Variants in CLMN observed in about 807,000 individuals in gnomAD.
The protein encoded by CLMN is calmin (calponin-like, transmembrane).
A neutral mutation model predicts 92.7 loss-of-function variants in CLMN; 57 were observed. The observed-to-expected ratio is 0.61, with a 90% CI of 0.50 to 0.77. The LOEUF (loss-of-function observed/expected upper bound fraction) is 0.77, where lower values mean the gene tolerates loss of function less well. Ranked by LOEUF, CLMN falls within the 30% of genes least tolerant of loss-of-function variation. The pLI, the probability that CLMN is intolerant of heterozygous loss-of-function variation, is 0.00. For synonymous variants in CLMN, 466 were observed against 470.6 expected (o/e 0.99, Z 0.13); for missense variants, 1,158 against 1,237.5 (o/e 0.94, Z 0.96).
At chr14:95,262,313 A>G (rs946999788) in intron 1 of CLMN, among the ~76,000 whole-genome samples, 20 of 152,350 alleles carry the variant, frequency 1.3e-4, no homozygotes, top group African/African-American at 4.6e-4. Context: ...GTTCAACAGA[A>G]GAACAACAAA....
intron 2 of CLMN, among the ~76,000 whole-genome samples, chr14:95,228,720 G>A (rs1327436166): frequency 1.3e-5 from 2 of 152,198 alleles, no homozygotes; most frequent in Non-Finnish European, 2.9e-5. Flanking sequence ...TGCCGCCCAG[G>A]CTGGAGTGCA....
chr14:95,273,877 A>G (rs1273557917), intron 1 of CLMN, among the ~76,000 whole-genome samples: 1 of 152,082 alleles, frequency 6.6e-6, no homozygotes, highest in Non-Finnish European at 1.5e-5. Context: ...CCGATCGTAC[A>G]TGAACCTCAT....
At chr14:95,218,903 C>T (rs756144804) in intron 4 of CLMN, among the ~76,000 whole-genome samples, 1 of 152,254 alleles carries the variant, frequency 6.6e-6, no homozygotes, top group Non-Finnish European at 1.5e-5. Context: ...GAAGGCCAGG[C>T]CTTCCCAAGC....
chr14:95,188,399 A>C lies in CLMN; in HGVS notation c.*3165T>G, dbSNP rs1896488071. 6.6e-6 allele frequency: 1 copy of C among 152,238 alleles called. No individual in the cohort carries two copies. Among genetic ancestry groups the C allele is most frequent in the African/African-American group, 2.4e-5 (1 of 41,458 alleles). 9.4% of individuals were successfully genotyped at this position (152,238 alleles called of 1,614,324 possible). On this transcript the variant is annotated 3_prime_UTR_variant, in exon 13 of 13. Transcript: ENST00000298912. ...GAGCAGGACACTGTAAAACAAAGAC[A>C]GGATAATAACCAAAGGTTTTATTAA... is the stretch of plus-strand genomic sequence containing the variant.
chr14:95,204,206 G>T lies in CLMN; in HGVS notation c.1143C>A (p.His381Gln). The change falls in exon 9 of 13, where the codon CAC becomes CAA. Residue 381 changes from histidine to glutamine, a missense_variant. Coordinates refer to ENST00000298912, the MANE Select transcript of CLMN (RefSeq NM_024734.4). The part of the protein sequence containing the change: ...ALSDSSTEFM[H>Q]QIIDQVLQGG... ...CTTGCAGGACCTGGTCAATAATCTG[G>T]TGCATGAACTCGGTGGAGCTGTCTG... 1 of 1,614,132 alleles carries T rather than the reference G, an allele frequency of 6.2e-7. No homozygotes were observed.
intron 4 of CLMN, among the ~76,000 whole-genome samples, chr14:95,220,170 T>TTTTTA (rs1897486090): frequency 2.0e-5 from 1 of 51,208 alleles, no homozygotes; most frequent in Non-Finnish European, 4.2e-5. Context: ...GATAGGTCCC[T>TTTTTA]TTTTTTTTTT....
rs192498903 is a variant in CLMN at position 95,203,735 on chromosome 14, G to A, written c.1614C>T (p.Phe538=). 33 of 1,614,166 alleles carry A rather than the reference G, an allele frequency of 2.0e-5. No homozygotes were observed. In the East Asian group the frequency reaches 2.7e-4, roughly 13 times the overall value. Residue 538 remains phenylalanine (F), a synonymous_variant, in exon 9 of 13, where the codon TTC becomes TTT. Transcript: ENST00000298912. The part of the protein sequence containing the change: ...PGENTVMADS[F]QIKVNLMTVE... ...CAGTCATCAGGTTAACCTTGATCTGGAAGGAATCGGCCATCACAGTATTTT... is the reference window on the plus strand; with the variant it reads ...CAGTCATCAGGTTAACCTTGATCTGAAAGGAATCGGCCATCACAGTATTTT...
chr14:95,196,740 G>A, intron 9 of CLMN, 46 bp from the exon 10 acceptor site: 1 of 1,573,594 alleles, frequency 6.4e-7, no homozygotes, highest in South Asian at 1.2e-5. Context: ...TCACGCTGCA[G>A]TGTAAAGTAG....
intron 1 of CLMN, among the ~76,000 whole-genome samples, chr14:95,249,685 G>A (rs755224701): frequency 3.3e-5 from 5 of 151,984 alleles, no homozygotes; most frequent in South Asian, 2.1e-4. Context: ...TCCGCCTTCC[G>A]GATTCAAGCA....
chr14:95,266,434 A>T (rs1209165705), intron 1 of CLMN, among the ~76,000 whole-genome samples: 1 of 152,208 alleles, frequency 6.6e-6, no homozygotes, highest in Non-Finnish European at 1.5e-5. Context: ...GAAATCAAGA[A>T]AGCAATCCCA....
chr14:95,303,188 G>A (rs1366724220), intron 1 of CLMN, among the ~76,000 whole-genome samples: 4 of 152,246 alleles, frequency 2.6e-5, no homozygotes, highest in Admixed American at 6.5e-5. Flanking sequence ...CAGGGAGCCT[G>A]TGGCTTTGGG....
rs1898032624 is a variant in CLMN at position 95,235,785 on chromosome 14, T to C, written c.83-5652A>G. ...AGACAGGTCCACCGGGGCCAGTGTT[T>C]CCAGCTTCCGAGACGCTGCTTGGGA... On this transcript the variant is annotated intron_variant, in intron 1 of 12. Transcript: ENST00000298912. Among the ~76,000 whole-genome samples, 2 of 152,174 alleles carry C rather than the reference T, an allele frequency of 1.3e-5. 1 individual carries two copies. The highest frequency in any genetic ancestry group is 4.1e-4 in the South Asian group (2 of 4,828).
intron 1 of CLMN, among the ~76,000 whole-genome samples, chr14:95,250,382 C>G (rs115836899): frequency 0.013 from 2,056 of 152,314 alleles, 51 homozygotes; most frequent in African/African-American, 0.045. Context: ...GCTATACATA[C>G]TTCAGTAATA....
Position 95,209,442 on chromosome 14 carries a change from T to C in CLMN, c.838A>G (p.Met280Val). The change falls in exon 8 of 13, where the codon ATG becomes GTG. Residue 280 changes from methionine to valine, a missense_variant. Physicochemically the swap from Met to Val is conservative, Grantham distance 21. Coordinates refer to ENST00000298912, the MANE Select transcript of CLMN (RefSeq NM_024734.4). ...TCTAGAAACTGTGCCACGTAAGTCA[T>C]GATAGACTGCTCGTCTGGTGTGTCA... Reference protein sequence around the residue: ...MVDTPDEQSIMTYVAQFLERF... With the variant: ...MVDTPDEQSIVTYVAQFLERF... 1.2e-6 allele frequency: 2 copies of C among 1,614,166 alleles called. No individual in the cohort carries two copies. Among genetic ancestry groups the C allele is most frequent in the South Asian group, 1.1e-5 (1 of 91,090 alleles).
At chr14:95,310,702 A>G (rs1364037363) in intron 1 of CLMN, among the ~76,000 whole-genome samples, 2 of 152,218 alleles carry the variant, frequency 1.3e-5, no homozygotes, top group Non-Finnish European at 2.9e-5. Flanking sequence ...TCCAGATCAC[A>G]GGGCTGTGAG....
intron 10 of CLMN, among the ~76,000 whole-genome samples, chr14:95,195,617 G>T (rs941762215): frequency 6.6e-6 from 1 of 152,272 alleles, no homozygotes; most frequent in Non-Finnish European, 1.5e-5. Context: ...GTGGAATGTG[G>T]AGTGGGACAC....
At chr14:95,292,526 C>T (rs1275698166) in intron 1 of CLMN, among the ~76,000 whole-genome samples, 1 of 147,354 alleles carries the variant, frequency 6.8e-6, no homozygotes, top group African/African-American at 2.5e-5. Flanking sequence ...TTACTGTCTC[C>T]CTTATTGATT....
intron 1 of CLMN, among the ~76,000 whole-genome samples, chr14:95,277,194 C>T (rs1172313633): frequency 2.0e-5 from 3 of 152,200 alleles, no homozygotes; most frequent in Non-Finnish European, 2.9e-5. Context: ...TAGGCTGTAG[C>T]GAATTTGGTG....
At position 95,181,983 on chromosome 14, in the gene CLMN, CAT is replaced by C. The variant is rs1279860648; in HGVS notation, c.*9579_*9580del. On this transcript the variant is annotated 3_prime_UTR_variant, in exon 13 of 13. Transcript: ENST00000298912. ...ATTCAAAAATTTTCTTAAGAATACA[CAT>C]GATTTTACAAGATCATTCATCATAG... The C allele has an allele frequency of 3.3e-5, 5 of 152,166 alleles. No individual in the cohort carries two copies. The highest frequency in any genetic ancestry group is 4.4e-5 in the Non-Finnish European group (3 of 68,036). 9.4% of individuals were successfully genotyped at this position (152,166 alleles called of 1,614,324 possible). A position where few individuals can be genotyped will look rare whatever the true frequency, so the allele number is the denominator to read the frequency against.
Sources: gnomAD v4.1 joint callset for allele counts (sites outside exome capture counted in the v4.1 genomes callset) on GRCh38, gnomAD v4.1.1 for gene constraint, MANE v1.5 for transcripts, NCBI Gene and HGNC (gene_info 2026-07-23, HGNC 2026-07-21) for gene names.